Variants in NEK8 observed in about 807,000 individuals in gnomAD.
NEK8 encodes NIMA related kinase 8.
A neutral mutation model predicts 77.2 loss-of-function variants in NEK8; 51 were observed. That is an observed-to-expected ratio of 0.66 (90% CI 0.53 to 0.83). The LOEUF is 0.83. Among genes scored for constraint, NEK8 ranks in the 40% least tolerant of loss-of-function variants. NEK8 has a pLI of 0.00. For synonymous variants in NEK8, 365 were observed against 363.2 expected (o/e 1.00, Z -0.06); for missense variants, 787 against 909.2 (o/e 0.87, Z 1.73).
chr17:28,742,238 C>T lies in NEK8; in HGVS notation c.*251C>T, dbSNP rs2034430707. ...TCAGTGTCCCCAGGGTCCAGCCTGG[C>T]TAGAGTTAGAAGGCAGACCTAGCCT... On this transcript the variant is annotated 3_prime_UTR_variant, in exon 15 of 15. Transcript: ENST00000268766. The T allele has an allele frequency of 4.9e-6, 3 of 608,804 alleles. No homozygotes were observed. The highest frequency in any genetic ancestry group is 3.7e-5 in the African/African-American group (2 of 54,412). 37.7% of individuals were successfully genotyped at this position (608,804 alleles called of 1,614,324 possible).
intron 9 of NEK8, 83 bp from the exon 10 acceptor site, chr17:28,739,001 C>G: frequency 9.8e-7 from 1 of 1,019,630 alleles, no homozygotes; most frequent in East Asian, 2.4e-5. Flanking sequence ...GTGTAGCCTC[C>G]AGCTTTGTCC....
chr17:28,734,781 T>C lies in NEK8; in HGVS notation c.263T>C (p.Leu88Pro). The C allele has an allele frequency of 3.7e-6, 6 of 1,613,478 alleles. No individual in the cohort carries two copies. The highest frequency in any genetic ancestry group is 5.1e-6 in the Non-Finnish European group (6 of 1,179,816). The change falls in exon 3 of 15, where the codon CTG (leucine) becomes CCG (proline). Residue 88 changes from leucine (L) to proline (P), a missense_variant. Leu to Pro is a moderately conservative substitution (Grantham distance 98). Coordinates refer to ENST00000268766, the MANE Select transcript of NEK8 (RefSeq NM_178170.3). ...GTCCCTTGGGCCACAGGCGGCACTC[T>C]GGCTGAGTTCATCCAAAAGCGCTGT... Reference protein sequence around the residue: ...IAMEYAPGGTLAEFIQKRCNS... With the variant: ...IAMEYAPGGTPAEFIQKRCNS...
In NEK8 at chr17:28,732,265, C is replaced by T. The variant is rs976923151; in HGVS notation, c.48-1718C>T. 3.3e-5 allele frequency among the ~76,000 whole-genome samples: 5 copies of T among 151,092 alleles called. No individual in the cohort carries two copies. In the South Asian group the frequency reaches 6.3e-4, roughly 19 times the overall value. ...GGCCACGAGTTCAAGACCAACCTGG[C>T]CAACATAGTGAGACCCATATCTATA... is the stretch of plus-strand genomic sequence containing the variant. On this transcript the variant is annotated intron_variant, in intron 1 of 14. Coordinates refer to ENST00000268766, the MANE Select transcript of NEK8 (RefSeq NM_178170.3).
intron 2 of NEK8, 158 bp from the exon 3 acceptor site, chr17:28,734,614 G>A (rs1035725016): frequency 1.4e-5 from 9 of 635,848 alleles, no homozygotes; most frequent in Non-Finnish European, 2.0e-5. Context: ...AACCCGGGAG[G>A]GGGGGCTTGC....
At position 28,740,743 on chromosome 17, in the gene NEK8, G is replaced by C. The variant is rs569960382; in HGVS notation, c.1569-79G>C. 5.0e-6 allele frequency: 8 copies of C among 1,590,464 alleles called. No homozygotes were observed. In the South Asian group the frequency reaches 7.7e-5, roughly 15 times the overall value. On this transcript the variant is annotated intron_variant, in intron 11 of 14. Transcript: ENST00000268766. This position sits in a 1 kb window ranked among gnomAD's most constrained non-coding sequence, Gnocchi z 4.7. ...TGAGGGTGCTATTGGTTCAACCCAG[G>C]GTGGGATCTGTCTCCTGGTGCACCA...
intron 1 of NEK8, among the ~76,000 whole-genome samples, chr17:28,732,740 TG>T (rs2034323005): frequency 6.6e-6 from 1 of 151,862 alleles, no homozygotes; most frequent in African/African-American, 2.4e-5. Flanking sequence ...TGGGTGGAGA[TG>T]GGGTTTCACC....
rs780922648 is a variant in NEK8 at position 28,738,169 on chromosome 17, G to T, written c.1146G>T (p.Ser382=). 7.4e-6 allele frequency: 12 copies of T among 1,614,128 alleles called. No homozygotes were observed. The African/African-American group carries it at 1.5e-4, about 20-fold the overall frequency. ...AVEQPQPQFI[S]RFLEGQSGVT... Reference sequence around the variant, plus strand: ...AGCAGCCACAGCCCCAGTTCATCTCGCGTTTCCTGGAGGGCCAGTCGGGTG... The same window carrying T: ...AGCAGCCACAGCCCCAGTTCATCTCTCGTTTCCTGGAGGGCCAGTCGGGTG... The change falls in exon 8 of 15, where the codon TCG becomes TCT. Residue 382 remains serine (S), a synonymous_variant. Coordinates refer to ENST00000268766, the MANE Select transcript of NEK8 (RefSeq NM_178170.3).
At position 28,741,252 on chromosome 17, in the gene NEK8, G is replaced by A. The variant is rs376801403; in HGVS notation, c.1891+16G>A. The A allele has an allele frequency of 3.8e-6, 6 of 1,599,370 alleles. No homozygotes were observed. In the African/African-American group the frequency reaches 8.0e-5, roughly 21 times the overall value. On this transcript the variant is annotated intron_variant, in intron 13 of 14. Transcript: ENST00000268766. The surrounding 1 kb of genome is among the most constrained non-coding windows in gnomAD (Gnocchi z 4.5). ...ATTGGGGCAGGTGAGGACTGAGCAT[G>A]GTGGGGGCAGACAGTGCCATGAGCA...
At chr17:28,739,055 A>C in intron 9 of NEK8, 29 bp from the exon 10 acceptor site, 1 of 1,546,290 alleles carries the variant, frequency 6.5e-7, no homozygotes, top group Non-Finnish European at 8.9e-7. Context: ...CCCTTTGCCC[A>C]GTTTCTCCTT....
intron 1 of NEK8, 149 bp downstream of exon 1, chr17:28,729,009 C>T (rs1362250430): frequency 5.5e-6 from 4 of 721,622 alleles, no homozygotes; most frequent in African/African-American, 1.8e-5. Context: ...CCCAGTCCCC[C>T]GGGGAGACTC....
chr17:28,735,138 C>A, intron 3 of NEK8, 102 bp from the exon 4 acceptor site: 2 of 1,568,814 alleles, frequency 1.3e-6, no homozygotes, highest in Admixed American at 3.5e-5. Context: ...GGAGGAAGCC[C>A]CTTGGCTTGC....
At chr17:28,739,266 C>A (rs2034397528) in intron 10 of NEK8, 65 bp downstream of exon 10, 3 of 963,578 alleles carry the variant, frequency 3.1e-6, no homozygotes, top group Non-Finnish European at 5.1e-6. Context: ...CCCTTCATAC[C>A]CACCTTCCAC....
chr17:28,742,021 T>C lies in NEK8; in HGVS notation c.*34T>C, dbSNP rs770151835. The C allele has an allele frequency of 6.2e-6, 10 of 1,607,148 alleles. No homozygotes were observed. Among genetic ancestry groups the C allele is most frequent in the African/African-American group, 2.7e-5 (2 of 74,890 alleles). ...GATTCACCTCTGGACCACCCTGATATTGCTTCTCCTCTGAATGCTCTGAAA... is the reference window on the plus strand; with the variant it reads ...GATTCACCTCTGGACCACCCTGATACTGCTTCTCCTCTGAATGCTCTGAAA... On this transcript the variant is annotated 3_prime_UTR_variant, in exon 15 of 15. Transcript: ENST00000268766.
At chr17:28,729,095 G>C (rs1398948347) in intron 1 of NEK8, among the ~76,000 whole-genome samples, 1 of 152,244 alleles carries the variant, frequency 6.6e-6, no homozygotes, top group African/African-American at 2.4e-5. Flanking sequence ...TTATTCATTC[G>C]TTCAACAAAT....
rs760317201 is a variant in NEK8 at position 28,728,844 on chromosome 17, G to A, written c.31G>A (p.Gly11Arg). The change falls in exon 1 of 15, where the codon GGG (glycine) becomes AGG (arginine). Residue 11 changes from glycine (G) to arginine (R), a missense_variant. Physicochemically the swap from Gly to Arg is moderately radical, Grantham distance 125. Coordinates refer to ENST00000268766, the MANE Select transcript of NEK8 (RefSeq NM_178170.3). MEKYERIRVV[G>R]RGAFGIVHLC... ...GAAGTACGAGCGGATCCGAGTGGTG[G>A]GGAGAGGTGCCTTCGGGTGAGCCAG... 6.4e-7 allele frequency: 1 copy of A among 1,551,568 alleles called. No individual in the cohort carries two copies. Among genetic ancestry groups the A allele is most frequent in the South Asian group, 1.2e-5 (1 of 84,068 alleles).
intron 1 of NEK8, chr17:28,733,066 G>C (rs2034326439): frequency 6.9e-6 from 1 of 145,106 alleles, no homozygotes; most frequent in Non-Finnish European, 1.5e-5. Context: ...TTTTTTGCGA[G>C]AGTGGGTTTC....
chr17:28,731,687 T>C (rs2034308421), intron 1 of NEK8, among the ~76,000 whole-genome samples: 2 of 150,102 alleles, frequency 1.3e-5, no homozygotes, highest in African/African-American at 4.9e-5. Flanking sequence ...CATTGCAAGC[T>C]CCGCCTCCCA....
rs2034391069 is a variant in NEK8, at chr17:28,738,677, GCAT to G, written c.1236_1238del (p.Ile412del). ...TCACTGCCCTTCTCCCCAGACAGAG[GCAT>G]CATCATGACATTCGGCAGCGGCAGC... On this transcript the variant is annotated inframe_deletion, in exon 9 of 15. Transcript: ENST00000268766. The G allele has an allele frequency of 1.2e-6, 2 of 1,614,068 alleles. No individual in the cohort carries two copies. Among genetic ancestry groups the G allele is most frequent in the East Asian group, 2.2e-5 (1 of 44,890 alleles).
Position 28,740,364 on chromosome 17 carries a change from A to C in NEK8, c.1418-99A>C. 2 of 992,340 alleles carry C rather than the reference A, an allele frequency of 2.0e-6. No homozygotes were observed. The highest frequency in any genetic ancestry group is 2.4e-5 in the East Asian group (1 of 42,010). The allele number at this position is 992,340 out of a possible 1,614,324, so 61.5% of individuals were successfully genotyped here. ...GAAAGGCATTTGGGACTGAGAGAAC[A>C]GAGAACTCATGCTGTTCCCTCCCCT... is the stretch of plus-strand genomic sequence containing the variant. On this transcript the variant is annotated intron_variant, in intron 10 of 14. Coordinates refer to ENST00000268766, the MANE Select transcript of NEK8 (RefSeq NM_178170.3). This position sits in a 1 kb window ranked among gnomAD's most constrained non-coding sequence, Gnocchi z 4.7.
Sources: allele counts gnomAD v4.1 joint callset (sites outside exome capture counted in the v4.1 genomes callset), GRCh38; gene constraint gnomAD v4.1.1; non-coding constraint Gnocchi (gnomAD v3.1); transcripts MANE v1.5; gene names NCBI Gene and HGNC (gene_info 2026-07-23, HGNC 2026-07-21).